Variants in PTPRT observed in about 807,000 individuals in gnomAD.
PTPRT encodes the protein protein tyrosine phosphatase receptor type T.
PTPRT carries 56 observed loss-of-function variants against 176.8 expected under a neutral mutation model. The observed-to-expected ratio is 0.32, with a 90% CI of 0.26 to 0.40. The LOEUF (loss-of-function observed/expected upper bound fraction) is 0.40. PTPRT is among the 10% of genes least tolerant of loss of function. The probability of loss-of-function intolerance (pLI) is 1.00; values close to 1 mark genes in which losing one functional copy is unlikely to be tolerated. For synonymous variants in PTPRT, 783 were observed against 739.0 expected (o/e 1.06, Z -0.96); for missense variants, 1,540 against 1,908.2 (o/e 0.81, Z 3.60).
chr20:42,224,981 T>G (rs2055972515), intron 15 of PTPRT, among the ~76,000 whole-genome samples: 1 of 152,340 alleles, frequency 6.6e-6, no homozygotes, highest in Middle Eastern at 3.4e-3. Context: ...CCCCAGCTCT[T>G]TCTCTGCCCA....
At chr20:42,611,301 A>G (rs67627216) in intron 7 of PTPRT, among the ~76,000 whole-genome samples, 17,366 of 152,158 alleles carry the variant, frequency 0.11, 1,278 homozygotes, top group Middle Eastern at 0.18. Flanking sequence ...TGAGGATCCA[A>G]TTTTTTCACA....
At position 42,079,528 on chromosome 20, in the gene PTPRT, C is replaced by T. The variant is rs1174688705; in HGVS notation, c.*1351G>A. On this transcript the variant is annotated 3_prime_UTR_variant, in exon 31 of 31. Transcript: ENST00000373187. ...GGGTTCTAAGGACTGTGTGAAATGTCCTATGGAAAGTGCCAAGCATGATCC... is the reference window on the plus strand; with the variant it reads ...GGGTTCTAAGGACTGTGTGAAATGTTCTATGGAAAGTGCCAAGCATGATCC... The T allele has an allele frequency of 9.0e-6, 2 of 222,546 alleles. No individual in the cohort carries two copies. The highest frequency in any genetic ancestry group is 9.0e-6 in the Non-Finnish European group (1 of 111,364). The allele number at this position is 222,546 out of a possible 1,614,324, so 13.8% of individuals were successfully genotyped here. A position where few individuals can be genotyped will look rare whatever the true frequency, so the allele number is the denominator to read the frequency against.
At chr20:43,026,469 T>C (rs1169493791) in intron 1 of PTPRT, among the ~76,000 whole-genome samples, 3 of 152,168 alleles carry the variant, frequency 2.0e-5, no homozygotes, top group African/African-American at 7.2e-5. Flanking sequence ...AGTAGGTGTA[T>C]GTATTTCTGG....
At chr20:42,095,285 T>C (rs1325406188) in intron 27 of PTPRT, among the ~76,000 whole-genome samples, 1 of 152,254 alleles carries the variant, frequency 6.6e-6, no homozygotes, top group Non-Finnish European at 1.5e-5. Context: ...GCTTCAAACA[T>C]GTGCATGGCT....
At chr20:42,970,571 C>G (rs181716980) in intron 1 of PTPRT, among the ~76,000 whole-genome samples, 167 of 152,224 alleles carry the variant, frequency 1.1e-3, no homozygotes, top group African/African-American at 4.0e-3. Context: ...AATGCTAGCA[C>G]CCCCCTCACC....
chr20:42,497,801 A>C (rs2071682142), intron 7 of PTPRT, among the ~76,000 whole-genome samples: 1 of 152,176 alleles, frequency 6.6e-6, no homozygotes, highest in African/African-American at 2.4e-5. Context: ...TATGATATAA[A>C]AAGGTATTTT....
chr20:42,771,823 G>A (rs538592232), intron 4 of PTPRT, among the ~76,000 whole-genome samples: 8 of 152,298 alleles, frequency 5.3e-5, no homozygotes, highest in Non-Finnish European at 7.4e-5. Flanking sequence ...GAGGGTTTAC[G>A]TCATCATTTG....
chr20:42,307,301 T>C (rs941018147), intron 12 of PTPRT, among the ~76,000 whole-genome samples: 6 of 152,184 alleles, frequency 3.9e-5, no homozygotes, highest in Admixed American at 3.9e-4. Flanking sequence ...TTGGTGGTGG[T>C]GTCAAGATGG....
intron 9 of PTPRT, among the ~76,000 whole-genome samples, chr20:42,359,989 A>G (rs1410538522): frequency 2.0e-5 from 3 of 152,172 alleles, no homozygotes; most frequent in Admixed American, 6.5e-5. Context: ...CTGATTTCCA[A>G]TCAATGCCCT....
chr20:42,117,929 G>C (rs1048912526), intron 21 of PTPRT, among the ~76,000 whole-genome samples: 1 of 152,294 alleles, frequency 6.6e-6, no homozygotes, highest in East Asian at 1.9e-4. Context: ...AAAAATTATT[G>C]AGTAGAATCT....
At chr20:42,461,635 A>C (rs2071021705) in intron 8 of PTPRT, among the ~76,000 whole-genome samples, 1 of 152,252 alleles carries the variant, frequency 6.6e-6, no homozygotes, top group Non-Finnish European at 1.5e-5. Flanking sequence ...AGGAGGATTT[A>C]ACAACCAGCT....
rs2072508657 is a variant in PTPRT, at chr20:42,538,082, A to G, written c.1154-65520T>C. 2.6e-5 allele frequency among the ~76,000 whole-genome samples: 4 copies of G among 152,256 alleles called. No individual in the cohort carries two copies. The South Asian group carries it at 8.3e-4, about 32-fold the overall frequency. ...ATATCCCTATTAAGTAAGTTCTATTACAATCTTTATCTTACAGATGTGGAA... is the reference window on the plus strand; with the variant it reads ...ATATCCCTATTAAGTAAGTTCTATTGCAATCTTTATCTTACAGATGTGGAA... On this transcript the variant is annotated intron_variant, in intron 7 of 30. Transcript: ENST00000373187.
intron 2 of PTPRT, among the ~76,000 whole-genome samples, chr20:42,793,295 T>G (rs1477512692): frequency 1.3e-5 from 2 of 152,052 alleles, no homozygotes; most frequent in African/African-American, 4.8e-5. Context: ...TGATGTATAT[T>G]GTATCCATTA....
At position 42,525,655 on chromosome 20, in the gene PTPRT, G is replaced by T. The variant is rs562471154; in HGVS notation, c.1154-53093C>A. On this transcript the variant is annotated intron_variant, in intron 7 of 30. Transcript: ENST00000373187. ...TATTGGCCATAGTGAAAGTAAGTTG[G>T]GTAATTTCCACATTTCCATTTCCCT... is the stretch of plus-strand genomic sequence containing the variant. Among the ~76,000 whole-genome samples the T allele has an allele frequency of 2.0e-5, 3 of 152,094 alleles. No individual in the cohort carries two copies. In the South Asian group the frequency reaches 6.2e-4, roughly 32 times the overall value.
At chr20:42,218,914 G>C (rs887105149) in intron 15 of PTPRT, among the ~76,000 whole-genome samples, 1 of 152,346 alleles carries the variant, frequency 6.6e-6, no homozygotes, top group African/African-American at 2.4e-5. Flanking sequence ...AAGAGGCAGT[G>C]CCAGCAAGAC....
At chr20:42,381,812 G>A (rs1323771914) in intron 9 of PTPRT, among the ~76,000 whole-genome samples, 1 of 152,132 alleles carries the variant, frequency 6.6e-6, no homozygotes, top group Non-Finnish European at 1.5e-5. Flanking sequence ...CATCTTTACT[G>A]TGTTCCCTTC....
At chr20:42,662,879 C>A (rs1459950170) in intron 7 of PTPRT, among the ~76,000 whole-genome samples, 3 of 152,080 alleles carry the variant, frequency 2.0e-5, no homozygotes, top group Non-Finnish European at 4.4e-5. Flanking sequence ...TTATAACAAT[C>A]ATTCACATTC....
chr20:42,388,012 G>A (rs375898100), intron 9 of PTPRT, among the ~76,000 whole-genome samples: 9 of 152,024 alleles, frequency 5.9e-5, no homozygotes, highest in African/African-American at 7.2e-5. Context: ...GGCTCGTCTC[G>A]AACTCCTGAC....
At chr20:42,101,987 G>A (rs1985983648) in intron 26 of PTPRT, 137 bp downstream of exon 26, 2 of 1,027,594 alleles carry the variant, frequency 1.9e-6, no homozygotes, top group Admixed American at 2.6e-5. Context: ...GGGAACAAAG[G>A]TCCTTGGGAC....
Sources: allele counts gnomAD v4.1 joint callset (sites outside exome capture counted in the v4.1 genomes callset), GRCh38; gene constraint gnomAD v4.1.1; transcripts MANE v1.5; gene names NCBI Gene and HGNC (gene_info 2026-07-23, HGNC 2026-07-21).